Variants in PTPRG observed in about 807,000 individuals in gnomAD.
PTPRG encodes receptor-type tyrosine-protein phosphatase gamma.
Under a neutral mutation model 165.3 loss-of-function variants are expected in PTPRG, and 102 were observed. That is an observed-to-expected ratio of 0.62 (90% CI 0.53 to 0.73). PTPRG has a LOEUF of 0.73. PTPRG is among the 30% of genes least tolerant of loss of function. PTPRG has a pLI of 0.00. For missense variants in PTPRG, 1,866 were observed against 1,861.4 expected, an observed-to-expected ratio of 1.00 and a Z score of -0.05; for synonymous variants, 675 against 669.5, an observed-to-expected ratio of 1.01 and a Z score of -0.13.
intron 1 of PTPRG, among the ~76,000 whole-genome samples, chr3:61,692,090 T>C (rs2030252549): frequency 6.6e-6 from 1 of 152,262 alleles, no homozygotes; most frequent in Non-Finnish European, 1.5e-5. Flanking sequence ...TGATACATAA[T>C]GAATTTTCTT....
At chr3:61,898,976 A>T (rs1320934) in intron 2 of PTPRG, among the ~76,000 whole-genome samples, 19,834 of 151,980 alleles carry the variant, frequency 0.13, 2,461 homozygotes, top group African/African-American at 0.33. Flanking sequence ...CGGCGCCATC[A>T]TGGCTCACTG....
At chr3:61,905,149 T>C (rs2038610227) in intron 2 of PTPRG, among the ~76,000 whole-genome samples, 2 of 152,200 alleles carry the variant, frequency 1.3e-5, no homozygotes, top group South Asian at 4.1e-4. Flanking sequence ...ATTCTGATAG[T>C]CTGACTGCTC....
At chr3:62,013,212 G>A (rs554086904) in intron 4 of PTPRG, among the ~76,000 whole-genome samples, 2 of 152,042 alleles carry the variant, frequency 1.3e-5, no homozygotes, top group South Asian at 2.1e-4. Context: ...AAAAGGTATC[G>A]CTGAGACATA....
intron 2 of PTPRG, among the ~76,000 whole-genome samples, chr3:61,807,874 A>G (rs2035462342): frequency 2.0e-5 from 3 of 152,120 alleles, no homozygotes; most frequent in Non-Finnish European, 4.4e-5. Context: ...ATGACTTTTA[A>G]CTGGGCAACC....
chr3:62,286,195 T>G (rs902669316), intron 28 of PTPRG, among the ~76,000 whole-genome samples: 4 of 152,188 alleles, frequency 2.6e-5, no homozygotes, highest in Admixed American at 6.6e-5. Flanking sequence ...GCATATGGAC[T>G]GTTTTCAATA....
chr3:62,153,702 GCTCTTTCTGAAC>G (rs143341416), intron 6 of PTPRG, among the ~76,000 whole-genome samples: 7,656 of 152,252 alleles, frequency 0.05, 598 homozygotes, highest in African/African-American at 0.17. Flanking sequence ...TGTGTTCCCA[GCTCTTTCTGAAC>G]CTCTTTCTTT....
At position 62,243,897 on chromosome 3, in the gene PTPRG, G is replaced by A. The variant is rs1200723021; in HGVS notation, c.2466G>A (p.Pro822=). 11 of 1,503,262 alleles carry A rather than the reference G, an allele frequency of 7.3e-6. No individual in the cohort carries two copies. Among genetic ancestry groups the A allele is most frequent in the Admixed American group, 3.4e-5 (2 of 58,694 alleles). 93.1% of individuals were successfully genotyped at this position (1,503,262 alleles called of 1,614,324 possible). ...PNESIPIIPI[P]DDMEAIPVKQ... ...AAAGTATCCCTATTATTCCTATTCC[G>A]GGTAAGTAAGACACTGCTCTTATTT... Residue 822 remains proline (P), a splice_region_variant and synonymous_variant, in exon 15 of 30, where the codon CCG becomes CCA. Transcript: ENST00000474889.
intron 1 of PTPRG, among the ~76,000 whole-genome samples, chr3:61,588,207 T>C (rs1251305419): frequency 1.3e-5 from 2 of 152,144 alleles, no homozygotes; most frequent in Non-Finnish European, 2.9e-5. Context: ...GTCCTGTTTC[T>C]GAAAGGAGGC....
chr3:61,873,693 A>G (rs1465827160), intron 2 of PTPRG, among the ~76,000 whole-genome samples: 1 of 152,080 alleles, frequency 6.6e-6, no homozygotes, highest in African/African-American at 2.4e-5. Flanking sequence ...GTTTTTGTCC[A>G]CTGTATTCTC....
intron 1 of PTPRG, among the ~76,000 whole-genome samples, chr3:61,603,631 A>T (rs954478709): frequency 2.6e-5 from 4 of 152,212 alleles, no homozygotes; most frequent in African/African-American, 9.6e-5. Flanking sequence ...ATTGCCTCAC[A>T]GTTGTGGAGT....
chr3:61,933,843 A>G (rs1350443933), intron 2 of PTPRG, among the ~76,000 whole-genome samples: 1 of 152,184 alleles, frequency 6.6e-6, no homozygotes, highest in Non-Finnish European at 1.5e-5. Context: ...TTTGGCATTT[A>G]TATCAAACAT....
intron 2 of PTPRG, among the ~76,000 whole-genome samples, chr3:61,859,752 A>G (rs2037209547): frequency 6.6e-6 from 1 of 152,112 alleles, no homozygotes; most frequent in African/African-American, 2.4e-5. Context: ...AGACTCTTTC[A>G]AAATTACCTT....
intron 2 of PTPRG, among the ~76,000 whole-genome samples, chr3:61,864,727 A>C (rs560952113): frequency 4.5e-4 from 68 of 152,278 alleles, no homozygotes; most frequent in African/African-American, 1.6e-3. Flanking sequence ...TAAGGTTTTC[A>C]CTTCAACATC....
At chr3:61,798,321 C>T (rs1055222899) in intron 2 of PTPRG, among the ~76,000 whole-genome samples, 7 of 152,236 alleles carry the variant, frequency 4.6e-5, no homozygotes, top group African/African-American at 1.7e-4. Flanking sequence ...ACACACACTT[C>T]ACCACTATGT....
intron 7 of PTPRG, among the ~76,000 whole-genome samples, chr3:62,161,850 G>A (rs1026491953): frequency 1.3e-5 from 2 of 152,116 alleles, no homozygotes; most frequent in Admixed American, 6.5e-5. Context: ...TAATAAGGAG[G>A]CAACAAACAC....
At chr3:62,267,070 AT>A (rs1465158330) in intron 17 of PTPRG, among the ~76,000 whole-genome samples, 1 of 151,980 alleles carries the variant, frequency 6.6e-6, no homozygotes, top group Non-Finnish European at 1.5e-5. Flanking sequence ...TTATATTTGT[AT>A]TAATGGGGAG....
chr3:61,729,471 T>C (rs1048337582), intron 1 of PTPRG, among the ~76,000 whole-genome samples: 2 of 152,212 alleles, frequency 1.3e-5, no homozygotes, highest in East Asian at 3.8e-4. Flanking sequence ...ACAATAAAGG[T>C]AAATAGTTAA....
intron 2 of PTPRG, among the ~76,000 whole-genome samples, chr3:61,966,965 AAGCAGGACTTGTCACAAAC>A (rs1349575952): frequency 6.6e-6 from 1 of 152,198 alleles, no homozygotes; most frequent in Non-Finnish European, 1.5e-5. Context: ...GGCTTGTGAG[AAGCAGGACTTGTCACAAAC>A]AGCATTGGCT....
intron 2 of PTPRG, among the ~76,000 whole-genome samples, chr3:61,804,695 AT>A (rs977499651): frequency 4.6e-5 from 7 of 151,434 alleles, no homozygotes; most frequent in African/African-American, 1.5e-4. Context: ...AAAAAAAAAA[AT>A]AAAATCTACC....
Sources: allele counts gnomAD v4.1 joint callset (sites outside exome capture counted in the v4.1 genomes callset), GRCh38; gene constraint gnomAD v4.1.1; transcripts MANE v1.5; gene names NCBI Gene and HGNC (gene_info 2026-07-23, HGNC 2026-07-21).